FANCB: variants seen among roughly 807,000 people sequenced by gnomAD.
FANCB encodes Fanconi anemia group B protein.
Under a neutral mutation model 38.9 loss-of-function variants are expected in FANCB, and 5 were observed. That is an observed-to-expected ratio of 0.13 (90% CI 0.07 to 0.27). The LOEUF (loss-of-function observed/expected upper bound fraction) is 0.27. Ranked by LOEUF, FANCB falls within the 10% of genes least tolerant of loss-of-function variation. The probability of loss-of-function intolerance (pLI) is 1.00; values close to 1 mark genes in which losing one functional copy is unlikely to be tolerated. For synonymous variants in FANCB, 236 were observed against 215.4 expected, an observed-to-expected ratio of 1.10 and a Z score of -0.84; for missense variants, 573 against 602.7, an observed-to-expected ratio of 0.95 and a Z score of 0.52.
the FANCB span, among the ~76,000 whole-genome samples, chrX:14,815,307 C>T: frequency 9.6e-6 from 1 of 104,686 alleles, no homozygotes; most frequent in African/African-American, 3.6e-5. Flanking sequence ...TACCCTAGAA[C>T]TTAAAGTATA....
chrX:14,743,141 T>C, the FANCB span, among the ~76,000 whole-genome samples: 77 of 111,866 alleles, frequency 6.9e-4, no homozygotes, highest in African/African-American at 2.4e-3. Flanking sequence ...ACCACCACCA[T>C]GATCATAACC....
chrX:14,827,270 T>A, the FANCB span, among the ~76,000 whole-genome samples: 1 of 111,953 alleles, frequency 8.9e-6, no homozygotes, highest in Non-Finnish European at 1.9e-5. Flanking sequence ...CTTAGACAGC[T>A]TATTGGTATT....
chrX:14,701,172 G>A, the FANCB span, among the ~76,000 whole-genome samples: 6 of 110,919 alleles, frequency 5.4e-5, no homozygotes, highest in African/African-American at 2.0e-4. Flanking sequence ...TGAAATGTTT[G>A]TGAATTGCGA....
At chrX:14,735,971 A>G in the FANCB span, among the ~76,000 whole-genome samples, 1 of 111,825 alleles carries the variant, frequency 8.9e-6, no homozygotes, top group Non-Finnish European at 1.9e-5. Context: ...TGGCTAGAGC[A>G]GCTTGGCTGA....
At chrX:14,701,833 G>C in the FANCB span, among the ~76,000 whole-genome samples, 2 of 112,365 alleles carry the variant, frequency 1.8e-5, no homozygotes. Context: ...TTTGAAGGGA[G>C]TTCAATGTTT....
the FANCB span, among the ~76,000 whole-genome samples, chrX:14,755,542 A>T: frequency 5.4e-5 from 6 of 111,832 alleles, no homozygotes; most frequent in Non-Finnish European, 1.1e-4. Flanking sequence ...AAGCAATCCC[A>T]CTTACAACAG....
the FANCB span, among the ~76,000 whole-genome samples, chrX:14,793,243 A>G: frequency 1.5e-4 from 17 of 112,562 alleles, no homozygotes; most frequent in Admixed American, 1.6e-3. Context: ...TGAAGTATTG[A>G]CACATGCTAT....
the FANCB span, among the ~76,000 whole-genome samples, chrX:14,778,358 C>T: frequency 8.9e-6 from 1 of 111,909 alleles, no homozygotes; most frequent in Non-Finnish European, 1.9e-5. Flanking sequence ...TCCTGCAGTG[C>T]ACAGGACAGC....
At chrX:14,863,056 T>C (rs1294103355) in intron 3 of FANCB, among the ~76,000 whole-genome samples, 1 of 112,427 alleles carries the variant, frequency 8.9e-6, no homozygotes, top group Non-Finnish European at 1.9e-5. Context: ...CAAATTATTT[T>C]CCTTTTGCAT....
At chrX:14,856,006 T>A (rs994160464) in intron 5 of FANCB, among the ~76,000 whole-genome samples, 1 of 112,354 alleles carries the variant, frequency 8.9e-6, no homozygotes, top group Non-Finnish European at 1.9e-5. Context: ...TCAGGAGAGT[T>A]GGTCCTGCTT....
chrX:14,721,621 C>A, the FANCB span, among the ~76,000 whole-genome samples: 1 of 111,335 alleles, frequency 9.0e-6, no homozygotes, highest in Non-Finnish European at 1.9e-5. Flanking sequence ...TTAGATATTT[C>A]TCAGGTTTTA....
downstream of FANCB, among the ~76,000 whole-genome samples, chrX:14,834,016 C>CA (rs1217694934): frequency 9.1e-6 from 1 of 110,159 alleles, no homozygotes; most frequent in East Asian, 2.8e-4. Context: ...AAAACGACAA[C>CA]AAAAAAATCA....
chrX:14,701,930 T>C, the FANCB span, among the ~76,000 whole-genome samples: 1 of 112,060 alleles, frequency 8.9e-6, no homozygotes, highest in Admixed American at 9.5e-5. Flanking sequence ...AATATTTCAG[T>C]GCAGAATGTT....
the FANCB span, among the ~76,000 whole-genome samples, chrX:14,740,281 CA>C: frequency 1.8e-5 from 2 of 111,107 alleles, no homozygotes; most frequent in Non-Finnish European, 3.8e-5. Context: ...AGACACAAAC[CA>C]GATAATGTCA....
the FANCB span, among the ~76,000 whole-genome samples, chrX:14,754,114 G>A: frequency 1.8e-5 from 2 of 112,268 alleles, no homozygotes; most frequent in Admixed American, 9.4e-5. Context: ...GGTAGCCAAT[G>A]CATCTCCCCA....
At chrX:14,781,257 C>A in the FANCB span, among the ~76,000 whole-genome samples, 1 of 104,312 alleles carries the variant, frequency 9.6e-6, no homozygotes, top group Non-Finnish European at 1.9e-5. Flanking sequence ...TGATGAAACA[C>A]CATGTCTATT....
At chrX:14,702,161 A>C in the FANCB span, among the ~76,000 whole-genome samples, 6 of 112,022 alleles carry the variant, frequency 5.4e-5, no homozygotes, top group African/African-American at 2.0e-4. Context: ...TCACTACATC[A>C]TAAAAAGTTG....
At chrX:14,800,489 T>TTACCAGTACCATGTACCAG in the FANCB span, among the ~76,000 whole-genome samples, 1 of 111,427 alleles carries the variant, frequency 9.0e-6, no homozygotes, top group East Asian at 2.8e-4. Flanking sequence ...GAGAATGGCT[T>TTACCAGTACCATGTACCAG]TACCAGTACC....
chrX:14,719,311 G>C, the FANCB span, among the ~76,000 whole-genome samples: 2 of 111,043 alleles, frequency 1.8e-5, no homozygotes, highest in African/African-American at 6.5e-5. Flanking sequence ...ATCCAATAAG[G>C]GATCAATATC....
Sources: gnomAD v4.1 joint callset for allele counts (sites outside exome capture counted in the v4.1 genomes callset) on GRCh38, gnomAD v4.1.1 for gene constraint, MANE v1.5 for transcripts, NCBI Gene and HGNC (gene_info 2026-07-23, HGNC 2026-07-21) for gene names.